Variants in KNTC1 observed in about 807,000 individuals in gnomAD.
The protein encoded by KNTC1 is kinetochore-associated protein 1.
Under a neutral mutation model 314.4 loss-of-function variants are expected in KNTC1, and 253 were observed. That is an observed-to-expected ratio of 0.80 (90% CI 0.73 to 0.89). The LOEUF is 0.89. KNTC1 is among the 40% of genes least tolerant of loss of function. The pLI, the probability that KNTC1 is intolerant of heterozygous loss-of-function variation, is 0.00. For synonymous variants in KNTC1, 901 were observed against 901.4 expected, an observed-to-expected ratio of 1.00 and a Z score of 0.01; for missense variants, 2,475 against 2,572.9, an observed-to-expected ratio of 0.96 and a Z score of 0.82.
chr12:122,620,176 A>T (rs1874273241), intron 59 of KNTC1: 1 of 176,800 alleles, frequency 5.7e-6, no homozygotes, highest in Non-Finnish European at 1.2e-5. Flanking sequence ...CTCAAAAAAA[A>T]AAAAAAAAAA....
chr12:122,593,983 G>C, intron 42 of KNTC1: 1 of 341,208 alleles, frequency 2.9e-6, no homozygotes, highest in South Asian at 4.6e-5. Context: ...AATGCTATAT[G>C]TTTTGAAGCT....
chr12:122,573,286 G>A lies in KNTC1; in HGVS notation c.2283+1G>A, dbSNP rs1226716908. On this transcript the variant is annotated splice_donor_variant, in intron 26 of 63. Transcript: ENST00000333479. LOFTEE classifies it high-confidence loss of function. ...GGAACTTCTCTTGCTGTACATAGAG[G>A]TAACTTTTCCTTTACATCTAGTCTT... 1 of 1,612,716 alleles carries A rather than the reference G, an allele frequency of 6.2e-7. No individual in the cohort carries two copies. The highest frequency in any genetic ancestry group is 8.5e-7 in the Non-Finnish European group (1 of 1,179,370).
intron 40 of KNTC1, 69 bp downstream of exon 40, chr12:122,588,885 T>C (rs1869756330): frequency 1.1e-6 from 1 of 922,580 alleles, no homozygotes; most frequent in Non-Finnish European, 1.6e-6. Flanking sequence ...TAATTGCATA[T>C]GACTCAATAG....
At chr12:122,533,901 A>C (rs1194981085) in intron 2 of KNTC1, among the ~76,000 whole-genome samples, 1 of 152,128 alleles carries the variant, frequency 6.6e-6, no homozygotes, top group East Asian at 1.9e-4. Flanking sequence ...GAATTCGTTT[A>C]ATCTTTATTC....
Position 122,530,124 on chromosome 12 carries a change from G to T in KNTC1, c.61G>T (p.Gly21Cys). 1 of 1,613,540 alleles carries T rather than the reference G, an allele frequency of 6.2e-7. No individual in the cohort carries two copies. The highest frequency in any genetic ancestry group is 8.5e-7 in the Non-Finnish European group (1 of 1,179,594). The change falls in exon 2 of 64, where the codon GGT becomes TGT. Residue 21 changes from glycine to cysteine, a missense_variant. Coordinates refer to ENST00000333479, the MANE Select transcript of KNTC1 (RefSeq NM_014708.6). ...TACCGGAAGTGGGTACCTGAGTGTCGGTTCAAGAAAAGAACATGGAACTGC... is the reference window on the plus strand; with the variant it reads ...TACCGGAAGTGGGTACCTGAGTGTCTGTTCAAGAAAAGAACATGGAACTGC... ...DDTGSGYLSV[G>C]SRKEHGTALY...
chr12:122,537,722 A>G (rs576471045), intron 3 of KNTC1, among the ~76,000 whole-genome samples: 4 of 151,970 alleles, frequency 2.6e-5, no homozygotes, highest in Non-Finnish European at 5.9e-5. Flanking sequence ...CTGGTCATTT[A>G]TCAGCTATTT....
At chr12:122,556,293 CA>C (rs1264920584) in intron 16 of KNTC1, among the ~76,000 whole-genome samples, 2 of 151,930 alleles carry the variant, frequency 1.3e-5, no homozygotes, top group Non-Finnish European at 1.5e-5. Context: ...GCAAGGATTA[CA>C]GGTGTGCGCC....
Position 122,561,553 on chromosome 12 carries a change from A to G in KNTC1, c.1489-368A>G, listed in dbSNP as rs371812886. Among the ~76,000 whole-genome samples, 16 of 151,980 alleles carry G rather than the reference A, an allele frequency of 1.1e-4. No individual in the cohort carries two copies. In the East Asian group the frequency reaches 2.9e-3, roughly 28 times the overall value. On this transcript the variant is annotated intron_variant, in intron 18 of 63. Coordinates refer to ENST00000333479, the MANE Select transcript of KNTC1 (RefSeq NM_014708.6). ...ATGGCAACCTCAGCCTCTCGGGCTC[A>G]AGGGATTCTCGTGCCTCAGGCTCCT...
At chr12:122,543,683 T>A (rs777918393) in intron 7 of KNTC1, 49 bp downstream of exon 7, 1 of 1,138,548 alleles carries the variant, frequency 8.8e-7, no homozygotes, top group South Asian at 1.5e-5. Context: ...ACATTTAATA[T>A]TAATGTAGTA....
Position 122,615,497 on chromosome 12 carries a change from G to A in KNTC1, c.6001G>A (p.Ala2001Thr). ...TCCTTATCTAAGGAAAGTTTTAAAA[G>A]CCATCTCCAGTATCCATTCTTTATG... is the stretch of plus-strand genomic sequence containing the variant. ...MIPYLRKVLK[A>T]ISSIHSLWQV... Residue 2001 changes from alanine (A) to threonine (T), a missense_variant, in exon 57 of 64, where the codon GCC becomes ACC. Physicochemically the swap from Ala to Thr is moderately conservative, Grantham distance 58. Transcript: ENST00000333479. 6.5e-7 allele frequency: 1 copy of A among 1,528,738 alleles called. No homozygotes were observed. The highest frequency in any genetic ancestry group is 8.8e-7 in the Non-Finnish European group (1 of 1,132,680). The allele number at this position is 1,528,738 out of a possible 1,614,324, so 94.7% of individuals were successfully genotyped here.
chr12:122,587,793 C>T lies in KNTC1; in HGVS notation c.3813C>T (p.Ala1271=), dbSNP rs1164785801. 1 of 1,613,788 alleles carries T rather than the reference C, an allele frequency of 6.2e-7. No individual in the cohort carries two copies. Among genetic ancestry groups the T allele is most frequent in the Admixed American group, 1.7e-5 (1 of 60,008 alleles). Residue 1271 remains alanine (A), a synonymous_variant, in exon 39 of 64, where the codon GCC becomes GCT. Coordinates refer to ENST00000333479, the MANE Select transcript of KNTC1 (RefSeq NM_014708.6). ...NLQESSQWEL[A]LRFVVGSFGT... is the part of the protein sequence containing the mutation. ...AGGAATCTAGCCAGTGGGAGCTAGC[C>T]CTAAGATTTGTGGTTGGTTCATTTG...
chr12:122,539,538 C>T (rs1962118785), intron 4 of KNTC1, 138 bp from the exon 5 acceptor site: 1 of 593,532 alleles, frequency 1.7e-6, no homozygotes, highest in Non-Finnish European at 2.8e-6. Flanking sequence ...AATAGTTTTC[C>T]ATTTTAAAAG....
At position 122,615,008 on chromosome 12, in the gene KNTC1, T is replaced by C. The variant is rs1873614401; in HGVS notation, c.5895T>C (p.Thr1965=). 1 of 1,613,066 alleles carries C rather than the reference T, an allele frequency of 6.2e-7. No individual in the cohort carries two copies. Among genetic ancestry groups the C allele is most frequent in the African/African-American group, 1.3e-5 (1 of 74,936 alleles). The change falls in exon 56 of 64, where the codon ACT becomes ACC. Residue 1965 remains threonine (T), a synonymous_variant. Coordinates refer to ENST00000333479, the MANE Select transcript of KNTC1 (RefSeq NM_014708.6). ...SHESMAVRLV[T]ELCLEYKIYD... ...GGCTTCAGGCAGTAAGATTGGTGAC[T>C]GAGCTGTGTTTAGAATACAAAATCT...
At chr12:122,609,700 C>T (rs1422983449) in intron 52 of KNTC1, among the ~76,000 whole-genome samples, 2 of 152,014 alleles carry the variant, frequency 1.3e-5, no homozygotes, top group African/African-American at 4.8e-5. Context: ...CAGAAGAAAA[C>T]TCTTTCTTAG....
chr12:122,530,520 G>A (rs1411889612), intron 2 of KNTC1, among the ~76,000 whole-genome samples: 2 of 150,548 alleles, frequency 1.3e-5, no homozygotes, highest in African/African-American at 2.5e-5. Context: ...GTGTGATCAC[G>A]GCTCACTGCA....
intron 49 of KNTC1, 55 bp downstream of exon 49, chr12:122,604,692 A>G (rs1872384977): frequency 1.5e-6 from 2 of 1,334,906 alleles, no homozygotes; most frequent in Admixed American, 3.5e-5. Context: ...AAATTGTACT[A>G]GCTTAATTTA....
intron 2 of KNTC1, among the ~76,000 whole-genome samples, chr12:122,531,537 G>A (rs1333533023): frequency 3.9e-5 from 6 of 152,116 alleles, no homozygotes; most frequent in Middle Eastern, 3.2e-3. Flanking sequence ...GTTAAAGGCA[G>A]TATAATCCAA....
chr12:122,586,245 G>A (rs1869276765), intron 37 of KNTC1, among the ~76,000 whole-genome samples: 1 of 152,100 alleles, frequency 6.6e-6, no homozygotes, highest in South Asian at 2.1e-4. Flanking sequence ...ACCACGCCTG[G>A]CTAATTTTGT....
chr12:122,624,964 A>G (rs1346934159), intron 63 of KNTC1, among the ~76,000 whole-genome samples: 1 of 152,254 alleles, frequency 6.6e-6, no homozygotes, highest in Non-Finnish European at 1.5e-5. Flanking sequence ...CAGCATTACC[A>G]TTCCTCATAA....
Sources: allele counts gnomAD v4.1 joint callset (sites outside exome capture counted in the v4.1 genomes callset), GRCh38; gene constraint gnomAD v4.1.1; transcripts MANE v1.5; gene names NCBI Gene and HGNC (gene_info 2026-07-23, HGNC 2026-07-21).